The following CSMD1 variants were observed in gnomAD, a reference collection of about 807,000 sequenced individuals.
The protein encoded by CSMD1 is CUB and sushi domain-containing protein 1.
Under a neutral mutation model 417.5 loss-of-function variants are expected in CSMD1, and 213 were observed. The ratio of observed to expected loss-of-function variants is 0.51; its 90% CI spans 0.46 to 0.57. The LOEUF is 0.57. Ranked by LOEUF, CSMD1 falls within the 20% of genes least tolerant of loss-of-function variation. The pLI is 0.00. For synonymous variants in CSMD1, 2,862 were observed against 1,736.8 expected (o/e 1.65, Z -16.11); for missense variants, 6,923 against 4,529.7 (o/e 1.53, Z -15.17).
intron 50 of CSMD1, among the ~76,000 whole-genome samples, chr8:3,037,354 C>T (rs924777778): frequency 3.6e-5 from 5 of 137,132 alleles, no homozygotes; most frequent in Admixed American, 7.2e-5. Context: ...TACAGGCGCC[C>T]GCCACCAAGC....
At chr8:3,892,187 C>A (rs1807021577) in intron 5 of CSMD1, among the ~76,000 whole-genome samples, 1 of 152,134 alleles carries the variant, frequency 6.6e-6, no homozygotes. Context: ...AGCCTGCTTC[C>A]AATGTGTAGC....
At chr8:3,281,694 C>T (rs75942984) in intron 26 of CSMD1, among the ~76,000 whole-genome samples, 13,584 of 152,184 alleles carry the variant, frequency 0.089, 761 homozygotes, top group East Asian at 0.17. Context: ...GATGAACAGG[C>T]AGAACACAGG....
At chr8:4,439,359 A>G (rs1271915932) in intron 2 of CSMD1, among the ~76,000 whole-genome samples, 1 of 152,192 alleles carries the variant, frequency 6.6e-6, no homozygotes, top group Non-Finnish European at 1.5e-5. Flanking sequence ...AAATTGTGAG[A>G]TATTACTATA....
chr8:3,633,139 G>C (rs1050158018), intron 7 of CSMD1, among the ~76,000 whole-genome samples: 1 of 152,106 alleles, frequency 6.6e-6, no homozygotes. Flanking sequence ...ATGTTACCAA[G>C]AATTTATAGA....
intron 37 of CSMD1, among the ~76,000 whole-genome samples, chr8:3,177,716 G>C (rs1292496665): frequency 6.6e-6 from 1 of 152,100 alleles, no homozygotes; most frequent in South Asian, 2.1e-4. Context: ...CAATCTTGTT[G>C]TTCCTCCCAC....
chr8:3,558,586 GTCTCAATAGTACCCCGTGTCCACT>G, intron 10 of CSMD1, among the ~76,000 whole-genome samples: 1 of 132,848 alleles, frequency 7.5e-6, no homozygotes, highest in African/African-American at 3.7e-5. Flanking sequence ...GATGAATGGT[GTCTCAATAGTACCCCGTGTCCACT>G]CCTCCAATGA....
intron 12 of CSMD1, among the ~76,000 whole-genome samples, chr8:3,440,457 A>G (rs1814899335): frequency 6.6e-6 from 1 of 152,210 alleles, no homozygotes; most frequent in African/African-American, 2.4e-5. Flanking sequence ...TCATATTATT[A>G]TATAGAAATA....
intron 26 of CSMD1, among the ~76,000 whole-genome samples, chr8:3,276,712 AAGCTC>A (rs1802322145): frequency 6.6e-6 from 1 of 152,192 alleles, no homozygotes; most frequent in Non-Finnish European, 1.5e-5. Flanking sequence ...ATTTTGAATT[AAGCTC>A]AGCTCAATTA....
intron 3 of CSMD1, among the ~76,000 whole-genome samples, chr8:4,101,700 G>A (rs890061442): frequency 6.6e-6 from 1 of 152,172 alleles, no homozygotes; most frequent in African/African-American, 2.4e-5. Context: ...AAATGATTGA[G>A]TAATCAAACC....
intron 3 of CSMD1, among the ~76,000 whole-genome samples, chr8:4,323,178 C>G (rs1277831608): frequency 6.6e-6 from 1 of 152,142 alleles, no homozygotes; most frequent in Non-Finnish European, 1.5e-5. Context: ...TTATACAATT[C>G]TAATTTCCAG....
At position 3,581,757 on chromosome 8, in the gene CSMD1, G is replaced by A. The variant is rs139590587; in HGVS notation, c.1222+4379C>T. Reference sequence around the variant, plus strand: ...GATCATTATCAGGCCACCTTTAGAGGCTAAGAATGAATCAGGAAAATTCAA... The same window carrying A: ...GATCATTATCAGGCCACCTTTAGAGACTAAGAATGAATCAGGAAAATTCAA... On this transcript the variant is annotated intron_variant, in intron 9 of 69. Coordinates refer to ENST00000635120, the MANE Select transcript of CSMD1 (RefSeq NM_033225.6). Among the ~76,000 whole-genome samples the A allele has an allele frequency of 3.0e-3, 462 of 152,228 alleles. 3 individuals are homozygous for A. Among genetic ancestry groups the A allele is most frequent in the African/African-American group, 0.011 (444 of 41,550 alleles).
At chr8:2,947,008 A>G (rs967237637) in intron 68 of CSMD1, among the ~76,000 whole-genome samples, 15 of 152,152 alleles carry the variant, frequency 9.9e-5, no homozygotes, top group Admixed American at 2.6e-4. Context: ...GCTTATCGCC[A>G]TTTGCATGTC....
At chr8:4,335,629 T>A (rs1165514880) in intron 3 of CSMD1, among the ~76,000 whole-genome samples, 1 of 152,154 alleles carries the variant, frequency 6.6e-6, no homozygotes, top group Admixed American at 6.6e-5. Flanking sequence ...CATGTATTTA[T>A]TCAAATATTT....
chr8:3,921,694 T>C (rs1359160695), intron 5 of CSMD1, among the ~76,000 whole-genome samples: 1 of 152,208 alleles, frequency 6.6e-6, no homozygotes, highest in Non-Finnish European at 1.5e-5. Context: ...ATTTGTAAAC[T>C]AATTTTCCTC....
chr8:3,308,282 G>A (rs768551663), intron 24 of CSMD1, 30 bp downstream of exon 24: 32 of 1,569,130 alleles, frequency 2.0e-5, no homozygotes, highest in Non-Finnish European at 2.8e-5. Context: ...CCTGGCTTTT[G>A]CACAATGGTA....
chr8:3,401,836 G>A (rs561510318), intron 15 of CSMD1, among the ~76,000 whole-genome samples: 3 of 152,168 alleles, frequency 2.0e-5, no homozygotes, highest in African/African-American at 7.2e-5. Context: ...CATTCCACCT[G>A]ATGGAGACCA....
intron 5 of CSMD1, among the ~76,000 whole-genome samples, chr8:3,980,548 G>A (rs1813778952): frequency 6.6e-6 from 1 of 151,870 alleles, no homozygotes. Context: ...GTCTCTCTTT[G>A]GTTTTCCACT....
At chr8:3,759,981 A>T (rs1797901389) in intron 5 of CSMD1, among the ~76,000 whole-genome samples, 1 of 151,824 alleles carries the variant, frequency 6.6e-6, no homozygotes, top group Non-Finnish European at 1.5e-5. Flanking sequence ...GCATTAATTC[A>T]GAGCGCACTG....
At chr8:4,096,698 C>G (rs531226970) in intron 3 of CSMD1, among the ~76,000 whole-genome samples, 135 of 152,330 alleles carry the variant, frequency 8.9e-4, no homozygotes, top group African/African-American at 3.2e-3. Flanking sequence ...CCAAAAGCGT[C>G]ACTCACTAAT....
Sources: allele counts gnomAD v4.1 joint callset (sites outside exome capture counted in the v4.1 genomes callset), GRCh38; gene constraint gnomAD v4.1.1; transcripts MANE v1.5; gene names NCBI Gene and HGNC (gene_info 2026-07-23, HGNC 2026-07-21).